The following FAM210A variants were observed in gnomAD, a reference collection of about 807,000 sequenced individuals.
FAM210A encodes the protein mitochondrial inner membrane scaffold 1.
Under a neutral mutation model 25.3 loss-of-function variants are expected in FAM210A, and 13 were observed. The observed-to-expected ratio is 0.51, with a 90% CI of 0.33 to 0.82. FAM210A has a LOEUF of 0.82. Ranked by LOEUF, FAM210A falls within the 40% of genes least tolerant of loss-of-function variation. The pLI, the probability that FAM210A is intolerant of heterozygous loss-of-function variation, is 0.02. For missense variants in FAM210A, 319 were observed against 323.2 expected, an observed-to-expected ratio of 0.99 and a Z score of 0.10; for synonymous variants, 125 against 118.7, an observed-to-expected ratio of 1.05 and a Z score of -0.35.
chr18:13,705,400 A>G (rs888742666), intron 1 of FAM210A, among the ~76,000 whole-genome samples: 3 of 152,230 alleles, frequency 2.0e-5, no homozygotes, highest in Non-Finnish European at 4.4e-5. Flanking sequence ...TATGCTTTCC[A>G]TGACTCATCA....
At chr18:13,715,522 A>G (rs189759807) in intron 1 of FAM210A, among the ~76,000 whole-genome samples, 27 of 152,326 alleles carry the variant, frequency 1.8e-4, no homozygotes, top group African/African-American at 6.3e-4. Flanking sequence ...TGAAAAGTTT[A>G]GCATACTCTA....
At chr18:13,704,631 C>T (rs2043764505) in intron 1 of FAM210A, among the ~76,000 whole-genome samples, 1 of 151,950 alleles carries the variant, frequency 6.6e-6, no homozygotes, top group Non-Finnish European at 1.5e-5. Flanking sequence ...CTGAAGCATC[C>T]AAAAGAGAGG....
At chr18:13,689,944 G>A (rs958978276) in intron 1 of FAM210A, among the ~76,000 whole-genome samples, 12 of 152,162 alleles carry the variant, frequency 7.9e-5, no homozygotes, top group African/African-American at 2.7e-4. Flanking sequence ...TGCAGCCCAC[G>A]GAACAGGGCA....
Position 13,726,544 on chromosome 18 carries a change from C to T in FAM210A, c.-244G>A, listed in dbSNP as rs1054580035. ...ACGTGCTCGCGACCTCCAGTGCCCGCTCAGTGAAGCTTCTGCATGCCGCGC... is the reference window on the plus strand; with the variant it reads ...ACGTGCTCGCGACCTCCAGTGCCCGTTCAGTGAAGCTTCTGCATGCCGCGC... On this transcript the variant is annotated 5_prime_UTR_variant, in exon 1 of 4. Coordinates refer to ENST00000651643, the MANE Select transcript of FAM210A (RefSeq NM_152352.4). The T allele has an allele frequency of 2.0e-5, 3 of 152,326 alleles. No homozygotes were observed. The highest frequency in any genetic ancestry group is 2.9e-5 in the Non-Finnish European group (2 of 68,124). 9.4% of individuals were successfully genotyped at this position (152,326 alleles called of 1,614,324 possible).
chr18:13,725,636 T>C (rs980305417), intron 1 of FAM210A, among the ~76,000 whole-genome samples: 16 of 152,232 alleles, frequency 1.1e-4, no homozygotes, highest in South Asian at 1.0e-3. Flanking sequence ...GACGTTAATA[T>C]GCACACGCTT....
chr18:13,690,701 T>C (rs1056710835), intron 1 of FAM210A, among the ~76,000 whole-genome samples: 2 of 152,146 alleles, frequency 1.3e-5, no homozygotes, highest in Non-Finnish European at 2.9e-5. Flanking sequence ...TTCTGACTGT[T>C]AGAAGGAAAA....
chr18:13,698,345 C>T (rs2043711738), intron 1 of FAM210A, among the ~76,000 whole-genome samples: 1 of 96,184 alleles, frequency 1.0e-5, no homozygotes, highest in Non-Finnish European at 1.9e-5. Context: ...GAGTGAGACT[C>T]CATCTCAAAA....
intron 1 of FAM210A, among the ~76,000 whole-genome samples, chr18:13,708,398 A>G (rs935645687): frequency 5.9e-5 from 9 of 152,204 alleles, no homozygotes; most frequent in Non-Finnish European, 1.3e-4. Flanking sequence ...TGTAGAGACT[A>G]ATCTCCAGCC....
chr18:13,723,175 C>T (rs1198254897), intron 1 of FAM210A, among the ~76,000 whole-genome samples: 1 of 152,154 alleles, frequency 6.6e-6, no homozygotes, highest in Non-Finnish European at 1.5e-5. Context: ...CAGGGACTAT[C>T]AGTGCCCTCT....
rs186031495 is a variant in FAM210A, at chr18:13,722,433, G to C, written c.-29+3896C>G. Reference sequence around the variant, plus strand: ...TCCTGAGGAAAACCGGCAATGTCTTGCAAGGTAACTACCTCAAGGGAGGTC... The same window carrying C: ...TCCTGAGGAAAACCGGCAATGTCTTCCAAGGTAACTACCTCAAGGGAGGTC... On this transcript the variant is annotated intron_variant, in intron 1 of 3. Transcript: ENST00000651643. Among the ~76,000 whole-genome samples, 4 of 152,204 alleles carry C rather than the reference G, an allele frequency of 2.6e-5. No homozygotes were observed. The East Asian group carries it at 7.7e-4, about 29-fold the overall frequency.
In FAM210A at chr18:13,717,003, T is replaced by C. The variant is rs546833709; in HGVS notation, c.-29+9326A>G. Among the ~76,000 whole-genome samples, 52 of 152,290 alleles carry C rather than the reference T, an allele frequency of 3.4e-4. 1 individual carries two copies. In the South Asian group the frequency reaches 0.011, roughly 31 times the overall value. ...AACTGAGGCACTGGAGTGTGCTCTGTTTGCGGACTTCTTGTTACTATGTCC... is the reference window on the plus strand; with the variant it reads ...AACTGAGGCACTGGAGTGTGCTCTGCTTGCGGACTTCTTGTTACTATGTCC... On this transcript the variant is annotated intron_variant, in intron 1 of 3. Transcript: ENST00000651643.
intron 2 of FAM210A, among the ~76,000 whole-genome samples, chr18:13,680,771 C>G (rs1357115409): frequency 4.6e-5 from 7 of 152,142 alleles, no homozygotes; most frequent in Admixed American, 1.3e-4. Context: ...GCACACCAGG[C>G]CCGGACACTG....
At position 13,686,384 on chromosome 18, in the gene FAM210A, C is replaced by T. The variant is rs2043597101; in HGVS notation, c.-28-4279G>A. Among the ~76,000 whole-genome samples, 4 of 152,190 alleles carry T rather than the reference C, an allele frequency of 2.6e-5. No homozygotes were observed. The South Asian group carries it at 8.3e-4, about 32-fold the overall frequency. On this transcript the variant is annotated intron_variant, in intron 1 of 3. Coordinates refer to ENST00000651643, the MANE Select transcript of FAM210A (RefSeq NM_152352.4). ...ATTAACCTAATAATGCTATAATTCACAATCTATAGCTTAACGTATAGCCAA... is the reference window on the plus strand; with the variant it reads ...ATTAACCTAATAATGCTATAATTCATAATCTATAGCTTAACGTATAGCCAA...
chr18:13,677,069 ATT>A (rs59935007), intron 2 of FAM210A, among the ~76,000 whole-genome samples: 35,572 of 137,150 alleles, frequency 0.26, 4,690 homozygotes, highest in Non-Finnish European at 0.34. Flanking sequence ...CTGTCCCTCT[ATT>A]TTTTTTTTTT....
chr18:13,713,715 G>C (rs571879063), intron 1 of FAM210A, among the ~76,000 whole-genome samples: 1 of 24,702 alleles, frequency 4.0e-5, no homozygotes, highest in Admixed American at 4.0e-4. Flanking sequence ...GGGGAAGTAT[G>C]TCACTATAAA....
intron 1 of FAM210A, among the ~76,000 whole-genome samples, chr18:13,694,261 G>T (rs905080519): frequency 3.5e-5 from 2 of 57,514 alleles, no homozygotes; most frequent in African/African-American, 7.7e-5. Context: ...CCATGCTTAC[G>T]GATAGGAAGA....
At chr18:13,706,998 T>C (rs1303924060) in intron 1 of FAM210A, among the ~76,000 whole-genome samples, 2 of 152,214 alleles carry the variant, frequency 1.3e-5, no homozygotes, top group East Asian at 1.9e-4. Flanking sequence ...CCGACAGTCA[T>C]GATAACAGTC....
intron 2 of FAM210A, among the ~76,000 whole-genome samples, chr18:13,672,732 A>C (rs1322163655): frequency 6.6e-6 from 1 of 152,176 alleles, no homozygotes; most frequent in Non-Finnish European, 1.5e-5. Flanking sequence ...TTATGTGTAA[A>C]ATTGCACTGT....
intron 1 of FAM210A, among the ~76,000 whole-genome samples, chr18:13,709,726 G>A (rs555859667): frequency 6.6e-6 from 1 of 152,188 alleles, no homozygotes; most frequent in Non-Finnish European, 1.5e-5. Context: ...CTAAAACTAA[G>A]GCTTGCTGGC....
Sources: allele counts gnomAD v4.1 joint callset (sites outside exome capture counted in the v4.1 genomes callset), GRCh38; gene constraint gnomAD v4.1.1; transcripts MANE v1.5; gene names NCBI Gene and HGNC (gene_info 2026-07-23, HGNC 2026-07-21).